EPHA7: variants seen among roughly 807,000 people sequenced by gnomAD.
EPHA7 encodes the protein ephrin type-A receptor 7.
A neutral mutation model predicts 112.6 loss-of-function variants in EPHA7; 25 were observed. The observed-to-expected ratio is 0.22, with a 90% CI of 0.16 to 0.31. The LOEUF is 0.31. EPHA7 is among the 10% of genes least tolerant of loss of function. EPHA7 has a pLI of 1.00. For missense variants in EPHA7, 962 were observed against 1,212.6 expected (o/e 0.79, Z 3.07); for synonymous variants, 437 against 406.5 (o/e 1.07, Z -0.90).
At chr6:93,251,813 T>C (rs1342995735) in intron 14 of EPHA7, among the ~76,000 whole-genome samples, 4 of 152,036 alleles carry the variant, frequency 2.6e-5, no homozygotes, top group Admixed American at 2.6e-4. Flanking sequence ...GAAAAGTCAT[T>C]AATGGAAAGA....
At chr6:93,382,302 G>C (rs1777376412) in intron 3 of EPHA7, among the ~76,000 whole-genome samples, 1 of 152,076 alleles carries the variant, frequency 6.6e-6, no homozygotes, top group African/African-American at 2.4e-5. Flanking sequence ...GTATTAGTTA[G>C]AATCTCATTA....
At chr6:93,408,676 T>TA (rs1163718929) in intron 3 of EPHA7, among the ~76,000 whole-genome samples, 1 of 152,118 alleles carries the variant, frequency 6.6e-6, no homozygotes, top group Non-Finnish European at 1.5e-5. Flanking sequence ...GTGAAGATGA[T>TA]AATTGAGTGC....
intron 14 of EPHA7, among the ~76,000 whole-genome samples, chr6:93,248,331 C>A (rs966751680): frequency 2.6e-5 from 4 of 151,822 alleles, no homozygotes; most frequent in African/African-American, 7.3e-5. Context: ...AAAAAAAATT[C>A]TTTTGTATAA....
chr6:93,414,800 A>G, intron 1 of EPHA7, 33 bp from the exon 2 acceptor site: 1 of 1,570,314 alleles, frequency 6.4e-7, no homozygotes, highest in Non-Finnish European at 8.8e-7. Context: ...CATATGTTAC[A>G]TGAAACACTT....
At chr6:93,405,471 T>A (rs1295167288) in intron 3 of EPHA7, among the ~76,000 whole-genome samples, 1 of 151,818 alleles carries the variant, frequency 6.6e-6, no homozygotes, top group Non-Finnish European at 1.5e-5. Flanking sequence ...GTGAGATACA[T>A]GTTCATTTGT....
In EPHA7 at chr6:93,330,045, A is replaced by C. The variant is rs530335307; in HGVS notation, c.1324+26672T>G. Among the ~76,000 whole-genome samples the C allele has an allele frequency of 1.9e-3, 295 of 151,498 alleles. 2 individuals are homozygous for C. The highest frequency in any genetic ancestry group is 0.017 in the South Asian group (80 of 4,828). On this transcript the variant is annotated intron_variant, in intron 5 of 16. Transcript: ENST00000369303. ...CCACAGTCAGTGGAATGAGAGAAGGAGATAACTAAAGAATTTGAAATAATT... is the reference window on the plus strand; with the variant it reads ...CCACAGTCAGTGGAATGAGAGAAGGCGATAACTAAAGAATTTGAAATAATT...
rs1769636791 is a variant in EPHA7, at chr6:93,240,300, T to A, written c.*3126A>T. The A allele has an allele frequency of 4.4e-6, 1 of 226,700 alleles. No homozygotes were observed. The highest frequency in any genetic ancestry group is 8.8e-6 in the Non-Finnish European group (1 of 114,076). 14.0% of individuals were successfully genotyped at this position (226,700 alleles called of 1,614,324 possible). On this transcript the variant is annotated 3_prime_UTR_variant, in exon 17 of 17. Transcript: ENST00000369303. Reference sequence around the variant, plus strand: ...TTATTTGAACATGCACATCAGTGAGTAGCATAGTTCTAGGCTACTCAAGAA... The same window carrying A: ...TTATTTGAACATGCACATCAGTGAGAAGCATAGTTCTAGGCTACTCAAGAA...
At chr6:93,307,708 A>G (rs1773328616) in intron 5 of EPHA7, among the ~76,000 whole-genome samples, 1 of 152,274 alleles carries the variant, frequency 6.6e-6, no homozygotes, top group East Asian at 1.9e-4. Flanking sequence ...GTATGCACAT[A>G]TATTACATAT....
In EPHA7 at chr6:93,264,612, C is replaced by T; in HGVS notation, c.1724G>A (p.Gly575Asp). ...GTIILVFMVF[G>D]FIIGRRHCGY... Reference sequence around the variant, plus strand: ...GTTCTACCTTCTCCCAATGATGAAGCCAAAGACCATGAACACCAAAATGAT... The same window carrying T: ...GTTCTACCTTCTCCCAATGATGAAGTCAAAGACCATGAACACCAAAATGAT... Residue 575 changes from glycine to aspartate, a missense_variant, in exon 8 of 17, where the codon GGC (glycine) becomes GAC (aspartate). By Grantham distance (94) the Gly-to-Asp change is moderately conservative. This residue lies in a region of EPHA7 where 746 missense variants were observed against 889.2 expected (regional missense o/e 0.84). Coordinates refer to ENST00000369303, the MANE Select transcript of EPHA7 (RefSeq NM_004440.4). The T allele has an allele frequency of 6.2e-7, 1 of 1,605,474 alleles. No homozygotes were observed. Among genetic ancestry groups the T allele is most frequent in the South Asian group, 1.1e-5 (1 of 90,666 alleles).
intron 5 of EPHA7, among the ~76,000 whole-genome samples, chr6:93,312,443 A>G (rs935088896): frequency 1.3e-5 from 2 of 151,966 alleles, no homozygotes; most frequent in Non-Finnish European, 2.9e-5. Flanking sequence ...CCTTGCTAGC[A>G]TCTAACTTGC....
At chr6:93,357,397 T>C (rs1360986480) in intron 4 of EPHA7, among the ~76,000 whole-genome samples, 1 of 152,168 alleles carries the variant, frequency 6.6e-6, no homozygotes, top group Non-Finnish European at 1.5e-5. Flanking sequence ...AAAAAACAGC[T>C]GTGCAGTAGT....
intron 3 of EPHA7, among the ~76,000 whole-genome samples, chr6:93,366,661 G>A (rs899488389): frequency 1.3e-5 from 2 of 152,096 alleles, no homozygotes; most frequent in Admixed American, 6.6e-5. Flanking sequence ...ACCCCTGATG[G>A]TGTCTGATTC....
At chr6:93,292,335 T>C (rs1429845166) in intron 5 of EPHA7, among the ~76,000 whole-genome samples, 1 of 152,226 alleles carries the variant, frequency 6.6e-6, no homozygotes, top group Non-Finnish European at 1.5e-5. Context: ...TTCACATCTC[T>C]ACTTTCAATG....
chr6:93,391,856 T>C (rs890184258), intron 3 of EPHA7, among the ~76,000 whole-genome samples: 1 of 151,744 alleles, frequency 6.6e-6, no homozygotes, highest in Admixed American at 6.6e-5. Flanking sequence ...AGAATAAAAA[T>C]TAAACTCTTC....
chr6:93,357,358 A>G (rs1012617786), intron 4 of EPHA7, among the ~76,000 whole-genome samples: 1 of 152,204 alleles, frequency 6.6e-6, no homozygotes. Context: ...TCTTCCAAGC[A>G]ATTAAAACAG....
At chr6:93,295,234 G>A (rs1234757781) in intron 5 of EPHA7, among the ~76,000 whole-genome samples, 1 of 151,980 alleles carries the variant, frequency 6.6e-6, no homozygotes, top group African/African-American at 2.4e-5. Context: ...TTACATATCT[G>A]CAGTTCAACC....
At chr6:93,379,308 T>C (rs1374840958) in intron 3 of EPHA7, among the ~76,000 whole-genome samples, 10 of 152,100 alleles carry the variant, frequency 6.6e-5, no homozygotes, top group African/African-American at 2.2e-4. Flanking sequence ...TTAATTAAAT[T>C]TGACAAATAA....
chr6:93,399,799 G>C (rs1410963582), intron 3 of EPHA7, among the ~76,000 whole-genome samples: 1 of 152,002 alleles, frequency 6.6e-6, no homozygotes, highest in African/African-American at 2.4e-5. Flanking sequence ...ACTGGAAAGA[G>C]TAAGATGTGA....
At chr6:93,360,825 G>C (rs1776225892) in intron 3 of EPHA7, among the ~76,000 whole-genome samples, 1 of 151,952 alleles carries the variant, frequency 6.6e-6, no homozygotes, top group Non-Finnish European at 1.5e-5. Context: ...GTTTGTCTAG[G>C]ATAAAACTGG....
Sources: allele counts gnomAD v4.1 joint callset (sites outside exome capture counted in the v4.1 genomes callset), GRCh38; gene constraint gnomAD v4.1.1; regional missense constraint gnomAD v4.1.1; transcripts MANE v1.5; gene names NCBI Gene and HGNC (gene_info 2026-07-23, HGNC 2026-07-21).